ESR1: variants seen among roughly 807,000 people sequenced by gnomAD.
ESR1 encodes estrogen receptor 1.
A neutral mutation model predicts 52.7 loss-of-function variants in ESR1; 12 were observed. The observed-to-expected ratio is 0.23, with a 90% CI of 0.15 to 0.37. The LOEUF is 0.37. Ranked by LOEUF, ESR1 falls within the 10% of genes least tolerant of loss-of-function variation. The pLI, the probability that ESR1 is intolerant of heterozygous loss-of-function variation, is 1.00. For missense variants in ESR1, 584 were observed against 779.7 expected (o/e 0.75, Z 2.99); for synonymous variants, 305 against 316.8 (o/e 0.96, Z 0.39).
intron 2 of ESR1, among the ~76,000 whole-genome samples, chr6:151,734,550 T>C (rs1237519404): frequency 6.6e-6 from 1 of 152,122 alleles, no homozygotes; most frequent in Non-Finnish European, 1.5e-5. Context: ...ACTCACCACC[T>C]GGGTGACAAG....
chr6:151,884,997 A>T (rs1404410271), intron 3 of ESR1, among the ~76,000 whole-genome samples: 1 of 150,416 alleles, frequency 6.6e-6, no homozygotes, highest in Non-Finnish European at 1.5e-5. Context: ...GTCTTTACAT[A>T]TGGTCCATAA....
chr6:151,797,430 G>A (rs1348549823), intron 2 of ESR1, among the ~76,000 whole-genome samples: 1 of 152,172 alleles, frequency 6.6e-6, no homozygotes, highest in Non-Finnish European at 1.5e-5. Context: ...AAACTTTTGG[G>A]TATTTTACAC....
At position 151,678,931 on chromosome 6, in the gene ESR1, C is replaced by T. The variant is rs193284097; in HGVS notation, n.73+22168C>T. The stretch of plus-strand genomic sequence containing the variant: ...TGATCTCCTGACCTTGTGATCCACC[C>T]GCCTCGGCCTCCCAAAGTGCTGGAA... On this transcript the variant is annotated intron_variant and non_coding_transcript_variant, in intron 1 of 2. Coordinates refer to the ESR1 transcript ENST00000473497. Among the ~76,000 whole-genome samples the T allele has an allele frequency of 3.2e-3, 484 of 152,202 alleles. 4 individuals are homozygous for T. The highest frequency in any genetic ancestry group is 5.4e-3 in the East Asian group (28 of 5,166).
At chr6:151,705,557 A>G (rs1055639650) in intron 2 of ESR1, among the ~76,000 whole-genome samples, 1 of 152,228 alleles carries the variant, frequency 6.6e-6, no homozygotes, top group Non-Finnish European at 1.5e-5. Context: ...TGACTACAAT[A>G]TAATAATATG....
At chr6:151,988,377 TC>T (rs1254185539) in intron 4 of ESR1, among the ~76,000 whole-genome samples, 3 of 152,056 alleles carry the variant, frequency 2.0e-5, no homozygotes, top group Non-Finnish European at 2.9e-5. Flanking sequence ...CTGCCACTGA[TC>T]TGACAGGAGG....
At chr6:151,770,637 T>C (rs1292320738) in intron 2 of ESR1, among the ~76,000 whole-genome samples, 1 of 152,078 alleles carries the variant, frequency 6.6e-6, no homozygotes, top group Non-Finnish European at 1.5e-5. Context: ...TCTATACATA[T>C]AGAGCAAAGG....
chr6:152,115,319 C>G (rs954258043), intron 6 of ESR1, among the ~76,000 whole-genome samples: 1 of 151,956 alleles, frequency 6.6e-6, no homozygotes, highest in Non-Finnish European at 1.5e-5. Flanking sequence ...TTCAACAATC[C>G]TCCTGCTGAT....
At chr6:151,755,786 A>G (rs1029386864) in intron 2 of ESR1, among the ~76,000 whole-genome samples, 12 of 152,196 alleles carry the variant, frequency 7.9e-5, no homozygotes, top group African/African-American at 2.6e-4. Flanking sequence ...GCCAGCCACC[A>G]TGCCCAGCTA....
rs1039545347 is a variant in ESR1 at position 151,851,107 on chromosome 6, T to C, written c.643+8320T>C. 9.9e-5 allele frequency among the ~76,000 whole-genome samples: 15 copies of C among 152,184 alleles called. No individual in the cohort carries two copies. The East Asian group carries it at 2.7e-3, about 27-fold the overall frequency. ...ACTGCCACAATCTTGTTCTAGCCTA[T>C]CTTTCTAGTCATTTTAAAGTCACCA... On this transcript the variant is annotated intron_variant, in intron 2 of 7. Coordinates refer to ENST00000206249, the MANE Select transcript of ESR1 (RefSeq NM_000125.4).
chr6:152,106,930 T>C (rs570745563), downstream of ESR1, among the ~76,000 whole-genome samples: 4 of 151,378 alleles, frequency 2.6e-5, no homozygotes, highest in East Asian at 3.9e-4. Context: ...TATCATCCCA[T>C]TGTCTTCAGG....
rs1196540012 is a variant in ESR1 at position 152,098,172 on chromosome 6, A to G, written c.1554-560A>G. 6.6e-6 allele frequency among the ~76,000 whole-genome samples: 1 copy of G among 152,104 alleles called. No individual in the cohort carries two copies. Among genetic ancestry groups the G allele is most frequent in the Non-Finnish European group, 1.5e-5 (1 of 68,024 alleles). ...GAGCACATTAGGGGAGAGAGGCAGG[A>G]AGAGCTTGGAGACATGGATGGAAGC... On this transcript the variant is annotated intron_variant, in intron 7 of 7. Transcript: ENST00000206249. This position sits in a 1 kb window ranked among gnomAD's most constrained non-coding sequence, Gnocchi z 5.1.
At chr6:151,926,065 G>A (rs113075062) in intron 3 of ESR1, among the ~76,000 whole-genome samples, 2 of 152,160 alleles carry the variant, frequency 1.3e-5, no homozygotes, top group African/African-American at 4.8e-5. Flanking sequence ...TATCTTAAGG[G>A]TAATCAGCGC....
intron 4 of ESR1, among the ~76,000 whole-genome samples, chr6:151,989,573 T>G (rs1185391017): frequency 6.6e-6 from 1 of 152,056 alleles, no homozygotes; most frequent in Non-Finnish European, 1.5e-5. Flanking sequence ...TCAGATTTGG[T>G]CACTAATATT....
At chr6:151,878,412 T>C (rs1486507282) in intron 2 of ESR1, among the ~76,000 whole-genome samples, 2 of 152,216 alleles carry the variant, frequency 1.3e-5, no homozygotes, top group African/African-American at 4.8e-5. Flanking sequence ...TGTTATGCAA[T>C]AGAAGAGTGC....
chr6:151,693,864 C>T (rs865910069), intron 1 of ESR1, among the ~76,000 whole-genome samples: 7 of 152,140 alleles, frequency 4.6e-5, no homozygotes, highest in African/African-American at 9.7e-5. Context: ...GTGATCCACT[C>T]GCCTTGGCCT....
At chr6:152,122,824 A>G (rs1471517293) in intron 6 of ESR1, 5 of 1,191,042 alleles carry the variant, frequency 4.2e-6, no homozygotes, top group Non-Finnish European at 6.0e-6. Context: ...CAGTGTGCCC[A>G]GGTCACCCCC....
chr6:152,051,464 T>A (rs2046672554), intron 5 of ESR1, among the ~76,000 whole-genome samples: 1 of 152,190 alleles, frequency 6.6e-6, no homozygotes, highest in African/African-American at 2.4e-5. Context: ...TCTTTAGACA[T>A]CAACAGAATT....
At position 151,673,335 on chromosome 6, in the gene ESR1, G is replaced by A. The variant is rs575960056; in HGVS notation, n.73+16572G>A. On this transcript the variant is annotated intron_variant and non_coding_transcript_variant, in intron 1 of 2. Coordinates refer to the ESR1 transcript ENST00000473497. Reference sequence around the variant, plus strand: ...TAGTTTTTGCCTTATATATTTGGCTGTTTTCACGTTTGGACGCTTCACTTT... The same window carrying A: ...TAGTTTTTGCCTTATATATTTGGCTATTTTCACGTTTGGACGCTTCACTTT... 3.9e-5 allele frequency among the ~76,000 whole-genome samples: 6 copies of A among 152,270 alleles called. No homozygotes were observed. The South Asian group carries it at 1.2e-3, about 32-fold the overall frequency.
intron 5 of ESR1, among the ~76,000 whole-genome samples, chr6:152,037,555 C>T (rs142063526): frequency 4.2e-4 from 64 of 152,180 alleles, no homozygotes; most frequent in African/African-American, 1.3e-3. Flanking sequence ...CCCTAAACTG[C>T]GTTGTTTTTT....
Sources: gnomAD v4.1 joint callset for allele counts (sites outside exome capture counted in the v4.1 genomes callset) on GRCh38, gnomAD v4.1.1 for gene constraint, Gnocchi (gnomAD v3.1) non-coding constraint, MANE v1.5 for transcripts, NCBI Gene and HGNC (gene_info 2026-07-23, HGNC 2026-07-21) for gene names.